The following PLXNA3 variants were observed in gnomAD, a reference collection of about 807,000 sequenced individuals.
PLXNA3 encodes plexin A3.
PLXNA3 carries 52 observed loss-of-function variants against 118.8 expected under a neutral mutation model. The ratio of observed to expected loss-of-function variants is 0.44; its 90% CI spans 0.35 to 0.55. The LOEUF is 0.55. PLXNA3 is among the 20% of genes least tolerant of loss of function. PLXNA3 has a pLI of 0.01. For missense variants in PLXNA3, 1,660 were observed against 1,730.8 expected, an observed-to-expected ratio of 0.96 and a Z score of 0.73; for synonymous variants, 925 against 762.4, an observed-to-expected ratio of 1.21 and a Z score of -3.51.
At position 154,473,909 on chromosome X, in the gene PLXNA3, C is replaced by T. The variant is rs1325512178; in HGVS notation, c.*1224C>T. On this transcript the variant is annotated 3_prime_UTR_variant, in exon 33 of 33. Transcript: ENST00000369682. Reference sequence around the variant, plus strand: ...TGCCTGGATGCCAGTCTCCCTGCTTCTGCCCTGGCTCTCTTCAGCCTGTTC... The same window carrying T: ...TGCCTGGATGCCAGTCTCCCTGCTTTTGCCCTGGCTCTCTTCAGCCTGTTC... 4 of 112,191 alleles carry T rather than the reference C, an allele frequency of 3.6e-5. No individual in the cohort carries two copies. Among genetic ancestry groups the T allele is most frequent in the African/African-American group, 1.3e-4 (4 of 30,801 alleles). 9.2% of individuals were successfully genotyped at this position (112,191 alleles called of 1,213,427 possible).
intron 2 of PLXNA3, 64 bp from the exon 3 acceptor site, chrX:154,461,035 G>C: frequency 1.0e-6 from 1 of 989,520 alleles, no homozygotes; most frequent in Non-Finnish European, 1.4e-6. Flanking sequence ...GAGGGAAGCT[G>C]GCGGTGGCCC....
At position 154,461,404 on chromosome X, in the gene PLXNA3, T is replaced by C. The variant is rs2068957320; in HGVS notation, c.900T>C (p.Pro300=). The C allele has an allele frequency of 1.7e-6, 2 of 1,211,679 alleles. No individual in the cohort carries two copies. Among genetic ancestry groups the C allele is most frequent in the East Asian group, 5.9e-5 (2 of 33,856 alleles). Residue 300 remains proline, a synonymous_variant, in exon 3 of 33, where the codon CCT becomes CCC. Coordinates refer to ENST00000369682, the MANE Select transcript of PLXNA3 (RefSeq NM_017514.5). Reference sequence around the variant, plus strand: ...TGCAGAGCGCCCACCTGGCCAAGCCTGGCCTGCTGCTGGCCCAGGCCCTGG... The same window carrying C: ...TGCAGAGCGCCCACCTGGCCAAGCCCGGCCTGCTGCTGGCCCAGGCCCTGG... ...RLVQSAHLAK[P]GLLLAQALGV...
chrX:154,465,604 T>G lies in PLXNA3; in HGVS notation c.2342-53T>G, dbSNP rs998522250. ...TCTGGGGGCCCTAGTGCTCCCCACT[T>G]TCCACTTTTCTGCCACTGCCTGCTC... On this transcript the variant is annotated intron_variant, in intron 12 of 32. Transcript: ENST00000369682. 43 of 1,172,084 alleles carry G rather than the reference T, an allele frequency of 3.7e-5. No homozygotes were observed. In the Middle Eastern group the frequency reaches 7.0e-4, roughly 19 times the overall value.
rs1557203572 is a variant in PLXNA3, at chrX:154,460,587, A to G, written c.404A>G (p.His135Arg). The change falls in exon 2 of 33, where the codon CAC (histidine) becomes CGC (arginine). Residue 135 changes from histidine (H) to arginine (R), a missense_variant. Physicochemically the swap from His to Arg is conservative, Grantham distance 29. Transcript: ENST00000369682. ...LDDLFKLGEP[H>R]HRKEHYLSGA... ...GACCTCTTCAAGCTGGGTGAGCCGC[A>G]CCACCGCAAGGAGCACTACCTGTCG... 1.7e-6 allele frequency: 2 copies of G among 1,204,388 alleles called. No individual in the cohort carries two copies. Among genetic ancestry groups the G allele is most frequent in the Admixed American group, 4.4e-5 (2 of 45,538 alleles).
At position 154,472,846 on chromosome X, in the gene PLXNA3, C is replaced by A. The variant is rs1268224201; in HGVS notation, c.*161C>A. 4.6e-6 allele frequency: 2 copies of A among 435,628 alleles called. No individual in the cohort carries two copies. The highest frequency in any genetic ancestry group is 8.3e-6 in the Non-Finnish European group (2 of 242,036). 35.9% of individuals were successfully genotyped at this position (435,628 alleles called of 1,213,427 possible). A position where few individuals can be genotyped will look rare whatever the true frequency, so the allele number is the denominator to read the frequency against. ...GCCCCCGGCACACCCAGGCCCCCTTCATTAGTGCCTTGCTTTGGGCCCTGC... is the reference window on the plus strand; with the variant it reads ...GCCCCCGGCACACCCAGGCCCCCTTAATTAGTGCCTTGCTTTGGGCCCTGC... On this transcript the variant is annotated 3_prime_UTR_variant, in exon 33 of 33. Coordinates refer to ENST00000369682, the MANE Select transcript of PLXNA3 (RefSeq NM_017514.5).
At position 154,461,274 on chromosome X, in the gene PLXNA3, T is replaced by G; in HGVS notation, c.770T>G (p.Phe257Cys). ...QTLLDTAGEK[F>C]FTSKIVRMCA... ...CTGTTGGACACAGCGGGCGAGAAAT[T>G]TTTCACGTCCAAGATCGTGCGCATG... The change falls in exon 3 of 33, where the codon TTT becomes TGT. Residue 257 changes from phenylalanine to cysteine, a missense_variant. Phe to Cys is a radical substitution (Grantham distance 205, BLOSUM62 -2). Around this residue, in one of 2 missense-constraint regions of PLXNA3, gnomAD observed 791 missense variants for 652.1 expected, o/e 1.21. Transcript: ENST00000369682. 8.3e-6 allele frequency: 10 copies of G among 1,212,092 alleles called. No individual in the cohort carries two copies. Among genetic ancestry groups the G allele is most frequent in the East Asian group, 3.0e-5 (1 of 33,851 alleles).
chrX:154,460,715 T>G lies in PLXNA3; in HGVS notation c.532T>G (p.Phe178Val), dbSNP rs2068935555. 8.8e-7 allele frequency: 1 copy of G among 1,138,732 alleles called. No individual in the cohort carries two copies. Among genetic ancestry groups the G allele is most frequent in the African/African-American group, 1.8e-5 (1 of 55,219 alleles). 93.8% of individuals were successfully genotyped at this position (1,138,732 alleles called of 1,213,427 possible). ...TGCTGTCGACGGCAAGTCGGAGTAC[T>G]TCCCCACCTTGAGCTCCCGCAAGCT... ...GTAVDGKSEYFPTLSSRKLIS... is the reference protein window; with the variant it reads ...GTAVDGKSEYVPTLSSRKLIS... The change falls in exon 2 of 33, where the codon TTC becomes GTC. Residue 178 changes from phenylalanine to valine, a missense_variant. Physicochemically the swap from Phe to Val is conservative, Grantham distance 50 (BLOSUM62 -1). Transcript: ENST00000369682.
At chrX:154,463,165 A>G (rs2069006417) in intron 4 of PLXNA3, among the ~76,000 whole-genome samples, 1 of 110,877 alleles carries the variant, frequency 9.0e-6, no homozygotes, top group Non-Finnish European at 1.9e-5. Context: ...CCTCCCCTGC[A>G]TCCCCTGACC....
intron 3 of PLXNA3, 135 bp from the exon 4 acceptor site, chrX:154,461,993 C>T (rs2068975466): frequency 1.9e-6 from 1 of 524,857 alleles, no homozygotes; most frequent in Non-Finnish European, 3.1e-6. Context: ...CTGGAGCACC[C>T]TAGGGCGAGC....
Position 154,461,646 on chromosome X carries a change from C to T in PLXNA3, c.1134+8C>T. 8.5e-7 allele frequency: 1 copy of T among 1,174,817 alleles called. No individual in the cohort carries two copies. Among genetic ancestry groups the T allele is most frequent in the Non-Finnish European group, 1.1e-6 (1 of 878,592 alleles). On this transcript the variant is annotated splice_region_variant and intron_variant, in intron 3 of 32. Coordinates refer to ENST00000369682, the MANE Select transcript of PLXNA3 (RefSeq NM_017514.5). ...CTGCCCTGCATCAACACCGTGAGCC[C>T]CTCATCACCCCACACTGGTCCTCTG... is the stretch of plus-strand genomic sequence containing the variant.
chrX:154,462,095 T>G (rs782417947), intron 3 of PLXNA3, 33 bp from the exon 4 acceptor site: 1 of 1,137,409 alleles, frequency 8.8e-7, no homozygotes, highest in South Asian at 2.0e-5. Flanking sequence ...CTGGGAGCTT[T>G]GACTCTCACG....
rs782695029 is a variant in PLXNA3, at chrX:154,472,393, AGAG to A, written c.5521-187_5521-185del. ...GGGACAGGCCGCACCCTAGCTGTGG[AGAG>A]GAGGAGGAGAAAGTGCTGTCGTCGG... is the stretch of plus-strand genomic sequence containing the variant. On this transcript the variant is annotated intron_variant, in intron 32 of 32. Coordinates refer to ENST00000369682, the MANE Select transcript of PLXNA3 (RefSeq NM_017514.5). Among the ~76,000 whole-genome samples, 4 of 107,156 alleles carry A rather than the reference AGAG, an allele frequency of 3.7e-5. No individual in the cohort carries two copies. The East Asian group carries it at 8.9e-4, about 24-fold the overall frequency. The allele number at this position is 107,156 out of a possible 115,157, so 93.1% of individuals were successfully genotyped here.
chrX:154,463,331 A>C, intron 4 of PLXNA3, 60 bp from the exon 5 acceptor site: 1 of 1,204,730 alleles, frequency 8.3e-7, no homozygotes, highest in Non-Finnish European at 1.1e-6. Context: ...CTTTGGCTGG[A>C]GAAGACAGTG....
Position 154,458,292 on chromosome X carries a change from G to A in PLXNA3, c.-164G>A, listed in dbSNP as rs782057442. 3 of 109,149 alleles carry A rather than the reference G, an allele frequency of 2.7e-5. No homozygotes were observed. The South Asian group carries it at 8.9e-4, about 33-fold the overall frequency. The allele number at this position is 109,149 out of a possible 1,213,427, so 9.0% of individuals were successfully genotyped here. A position where few individuals can be genotyped will look rare whatever the true frequency, so the allele number is the denominator to read the frequency against. On this transcript the variant is annotated 5_prime_UTR_variant, in exon 1 of 33. Coordinates refer to ENST00000369682, the MANE Select transcript of PLXNA3 (RefSeq NM_017514.5). ...CCCCGGGCCAGCCCAGTGTGTGGGC[G>A]GCGGCGGCGGCGGCTGCGCGCTTGG... is the stretch of plus-strand genomic sequence containing the variant.
rs375434909 is a variant in PLXNA3, at chrX:154,460,475, A to G, written c.292A>G (p.Lys98Glu). Residue 98 changes from lysine (K) to glutamate (E), a missense_variant, in exon 2 of 33, where the codon AAG becomes GAG. Coordinates refer to ENST00000369682, the MANE Select transcript of PLXNA3 (RefSeq NM_017514.5). ...HRLAPVDNIN[K>E]LLLIDYAARR... ...CCTGGCCCCCGTGGACAACATCAACAAGCTGCTGCTCATAGACTATGCGGC... is the reference window on the plus strand; with the variant it reads ...CCTGGCCCCCGTGGACAACATCAACGAGCTGCTGCTCATAGACTATGCGGC... 4 of 1,205,741 alleles carry G rather than the reference A, an allele frequency of 3.3e-6. No individual in the cohort carries two copies. The highest frequency in any genetic ancestry group is 4.5e-6 in the Non-Finnish European group (4 of 892,352).
intron 27 of PLXNA3, 69 bp from the exon 28 acceptor site, chrX:154,469,619 G>T (rs1436676159): frequency 1.3e-5 from 13 of 990,321 alleles, no homozygotes; most frequent in Non-Finnish European, 1.9e-5. Context: ...CCTCCTGGGT[G>T]TGGGTGGGTG....
At chrX:154,470,418 C>T (rs1557209064) in intron 29 of PLXNA3, 24 bp from the exon 30 acceptor site, 2 of 1,199,806 alleles carry the variant, frequency 1.7e-6, no homozygotes, top group Non-Finnish European at 2.3e-6. Flanking sequence ...CCCTCATAGC[C>T]TGTGACCTCT....
chrX:154,465,799 G>A lies in PLXNA3; in HGVS notation c.2484G>A (p.Met828Ile). The A allele has an allele frequency of 8.3e-7, 1 of 1,208,411 alleles. No individual in the cohort carries two copies. Among genetic ancestry groups the A allele is most frequent in the Non-Finnish European group, 1.1e-6 (1 of 893,751 alleles). The change falls in exon 13 of 33, where the codon ATG (methionine) becomes ATA (isoleucine). Residue 828 changes from methionine (M) to isoleucine (I), a missense_variant. By Grantham distance (10) the Met-to-Ile change is conservative. This residue lies in a region of PLXNA3 where 869 missense variants were observed against 1,078.7 expected (regional missense o/e 0.81). Transcript: ENST00000369682. ...GCCCGGCCCCGAAGACCAACTGGAT[G>A]CACCTGAGCCAGAAGGGCACCCGGT... ...THCPAPKTNW[M>I]HLSQKGTRCS...
chrX:154,462,874 C>T (rs1557205273), intron 4 of PLXNA3, among the ~76,000 whole-genome samples: 1 of 110,771 alleles, frequency 9.0e-6, no homozygotes, highest in African/African-American at 3.3e-5. Context: ...CTGCAGTGCT[C>T]TCATCCTGCT....
Sources: gnomAD v4.1 joint callset for allele counts (sites outside exome capture counted in the v4.1 genomes callset) on GRCh38, gnomAD v4.1.1 for gene constraint, gnomAD v4.1.1 regional missense constraint, MANE v1.5 for transcripts, NCBI Gene and HGNC (gene_info 2026-07-23, HGNC 2026-07-21) for gene names.